CNTN4: variants seen among roughly 807,000 people sequenced by gnomAD.
The protein encoded by CNTN4 is contactin-4.
CNTN4 carries 77 observed loss-of-function variants against 122.5 expected under a neutral mutation model. The observed-to-expected ratio is 0.63, with a 90% CI of 0.52 to 0.76. The LOEUF (loss-of-function observed/expected upper bound fraction) is 0.76. Among genes scored for constraint, CNTN4 ranks in the 30% least tolerant of loss-of-function variants. The probability of loss-of-function intolerance (pLI) is 0.00; values close to 1 mark genes in which losing one functional copy is unlikely to be tolerated. For missense variants in CNTN4, 1,256 were observed against 1,259.1 expected (o/e 1.00, Z 0.04); for synonymous variants, 512 against 447.0 (o/e 1.15, Z -1.83).
At chr3:2,518,058 G>A (rs537100344) in intron 3 of CNTN4, among the ~76,000 whole-genome samples, 1 of 152,166 alleles carries the variant, frequency 6.6e-6, no homozygotes, top group Non-Finnish European at 1.5e-5. Context: ...TCGGTTGATT[G>A]CTGTTGTTAA....
At chr3:2,122,012 C>T (rs1016488767) in intron 2 of CNTN4, among the ~76,000 whole-genome samples, 3 of 135,020 alleles carry the variant, frequency 2.2e-5, no homozygotes, top group African/African-American at 5.1e-5. Flanking sequence ...AAAAATTAGC[C>T]GGGCGTGGTG....
intron 3 of CNTN4, among the ~76,000 whole-genome samples, chr3:2,374,489 G>A (rs1559497343): frequency 6.6e-6 from 1 of 152,028 alleles, no homozygotes; most frequent in South Asian, 2.1e-4. Flanking sequence ...TAACTACCCC[G>A]TATACTTCAC....
chr3:2,621,881 C>G (rs1041431404), intron 4 of CNTN4, among the ~76,000 whole-genome samples: 2 of 152,128 alleles, frequency 1.3e-5, no homozygotes, highest in South Asian at 2.1e-4. Flanking sequence ...TTGATGTTCT[C>G]TCTGGGATCT....
At chr3:2,848,670 A>T (rs992224939) in intron 7 of CNTN4, among the ~76,000 whole-genome samples, 1 of 152,198 alleles carries the variant, frequency 6.6e-6, no homozygotes, top group African/African-American at 2.4e-5. Context: ...TCATCTCTTG[A>T]ATTTGCTTTT....
chr3:2,296,681 T>G (rs1267456024), intron 2 of CNTN4, among the ~76,000 whole-genome samples: 1 of 151,848 alleles, frequency 6.6e-6, no homozygotes. Flanking sequence ...TTTGATATTG[T>G]ATAGAACAAA....
chr3:2,554,946 T>G (rs2078659696), intron 3 of CNTN4, among the ~76,000 whole-genome samples: 1 of 152,190 alleles, frequency 6.6e-6, no homozygotes, highest in South Asian at 2.1e-4. Flanking sequence ...AGAATGCCTT[T>G]CTTCTTACAC....
At chr3:2,419,177 A>G (rs1368931489) in intron 3 of CNTN4, among the ~76,000 whole-genome samples, 1 of 152,226 alleles carries the variant, frequency 6.6e-6, no homozygotes, top group African/African-American at 2.4e-5. Context: ...TATTGCAAGT[A>G]ATCAATCATA....
chr3:2,463,208 A>T (rs34556922), intron 3 of CNTN4, among the ~76,000 whole-genome samples: 35,918 of 146,510 alleles, frequency 0.25, 4,316 homozygotes, highest in Middle Eastern at 0.35. Context: ...TGGGCTTTTT[A>T]AAAAAAAAAA....
chr3:2,235,057 C>T (rs1331498735), intron 2 of CNTN4, among the ~76,000 whole-genome samples: 1 of 152,152 alleles, frequency 6.6e-6, no homozygotes, highest in Non-Finnish European at 1.5e-5. Context: ...ATAACATCTG[C>T]TGTCTCAGAG....
At chr3:2,422,858 C>T (rs2047664277) in intron 3 of CNTN4, among the ~76,000 whole-genome samples, 1 of 152,162 alleles carries the variant, frequency 6.6e-6, no homozygotes, top group Non-Finnish European at 1.5e-5. Flanking sequence ...TGAGATATAA[C>T]ATTTCCTGGA....
intron 3 of CNTN4, among the ~76,000 whole-genome samples, chr3:2,496,180 T>G (rs2076446565): frequency 6.6e-6 from 1 of 152,212 alleles, no homozygotes; most frequent in Admixed American, 6.5e-5. Flanking sequence ...CATTCCAAAA[T>G]GTAGTGGCAC....
chr3:2,967,393 C>T (rs960141209), intron 13 of CNTN4, among the ~76,000 whole-genome samples: 5 of 152,158 alleles, frequency 3.3e-5, no homozygotes, highest in East Asian at 1.9e-4. Context: ...ATCTTGTAGC[C>T]TCTGGCCTCA....
chr3:2,748,259 A>G (rs2089903078), intron 6 of CNTN4, among the ~76,000 whole-genome samples: 1 of 152,214 alleles, frequency 6.6e-6, no homozygotes, highest in Non-Finnish European at 1.5e-5. Flanking sequence ...ATAATCATGT[A>G]AAATCTGAGA....
chr3:2,775,567 G>A (rs538255291), intron 6 of CNTN4, among the ~76,000 whole-genome samples: 26 of 152,038 alleles, frequency 1.7e-4, no homozygotes, highest in East Asian at 9.7e-4. Context: ...GTACAAGTGC[G>A]CACCACCACA....
At position 2,184,427 on chromosome 3, in the gene CNTN4, T is replaced by C. The variant is rs544757876; in HGVS notation, c.-145+83788T>C. Among the ~76,000 whole-genome samples the C allele has an allele frequency of 2.7e-3, 417 of 152,266 alleles. 2 individuals are homozygous for C. Among genetic ancestry groups the C allele is most frequent in the African/African-American group, 9.2e-3 (382 of 41,568 alleles). On this transcript the variant is annotated intron_variant, in intron 2 of 24. Transcript: ENST00000418658. ...GGTGTCTTGAAACCTAGACACTTGTTGGTGGAACCAGCTTGGGAACACAGG... is the reference window on the plus strand; with the variant it reads ...GGTGTCTTGAAACCTAGACACTTGTCGGTGGAACCAGCTTGGGAACACAGG...
intron 9 of CNTN4, 80 bp from the exon 10 acceptor site, chr3:2,886,960 C>G (rs2093986198): frequency 8.0e-7 from 1 of 1,254,484 alleles, no homozygotes; most frequent in Non-Finnish European, 1.1e-6. Context: ...ATGTGTAGAA[C>G]CAAGAAGGAA....
At chr3:2,683,965 C>T (rs576703630) in intron 4 of CNTN4, among the ~76,000 whole-genome samples, 3 of 152,196 alleles carry the variant, frequency 2.0e-5, no homozygotes, top group Non-Finnish European at 4.4e-5. Context: ...GAGTCTTAAG[C>T]CTACAAATTT....
In CNTN4 at chr3:2,938,095, G is replaced by T. The variant is rs186220392; in HGVS notation, c.1358+12316G>T. Among the ~76,000 whole-genome samples the T allele has an allele frequency of 7.2e-5, 11 of 152,296 alleles. No homozygotes were observed. In the East Asian group the frequency reaches 2.1e-3, roughly 29 times the overall value. Reference sequence around the variant, plus strand: ...AGAAACACGGTGAGTCAGCTTAACTGTGAAGAAGTTTGGGAATCTCTAGCC... The same window carrying T: ...AGAAACACGGTGAGTCAGCTTAACTTTGAAGAAGTTTGGGAATCTCTAGCC... On this transcript the variant is annotated intron_variant, in intron 13 of 24. Transcript: ENST00000418658.
intron 4 of CNTN4, among the ~76,000 whole-genome samples, chr3:2,588,591 G>T (rs560549880): frequency 6.6e-6 from 1 of 151,780 alleles, no homozygotes; most frequent in Non-Finnish European, 1.5e-5. Context: ...GGTCTTGAAT[G>T]CTTGACCTCG....
Sources: allele counts gnomAD v4.1 joint callset (sites outside exome capture counted in the v4.1 genomes callset), GRCh38; gene constraint gnomAD v4.1.1; transcripts MANE v1.5; gene names NCBI Gene and HGNC (gene_info 2026-07-23, HGNC 2026-07-21).